Variants in CLIP3 observed in about 807,000 individuals in gnomAD.
CLIP3 encodes CAP-Gly domain containing linker protein 3.
Under a neutral mutation model 59.4 loss-of-function variants are expected in CLIP3, and 15 were observed. The observed-to-expected ratio is 0.25, with a 90% CI of 0.17 to 0.39. The LOEUF is 0.39. Ranked by LOEUF, CLIP3 falls within the 10% of genes least tolerant of loss-of-function variation. CLIP3 has a pLI of 1.00. For missense variants in CLIP3, 495 were observed against 765.7 expected, an observed-to-expected ratio of 0.65 and a Z score of 4.17; for synonymous variants, 300 against 321.6, an observed-to-expected ratio of 0.93 and a Z score of 0.72.
chr19:36,019,422 G>T, intron 7 of CLIP3, 116 bp from the exon 8 acceptor site: 1 of 1,244,890 alleles, frequency 8.0e-7, no homozygotes, highest in Non-Finnish European at 1.1e-6. Context: ...CAAACCCCAG[G>T]TCACACATCA....
intron 2 of CLIP3, among the ~76,000 whole-genome samples, chr19:36,030,067 T>G (rs1054373634): frequency 2.0e-5 from 3 of 152,088 alleles, no homozygotes; most frequent in Non-Finnish European, 4.4e-5. Context: ...TACTTTTTTC[T>G]TTTTTTGAGA....
Position 36,019,207 on chromosome 19 carries a change from C to A in CLIP3, c.1018G>T (p.Gly340Trp). 6.2e-7 allele frequency: 1 copy of A among 1,614,080 alleles called. No individual in the cohort carries two copies. ...GGGCAGATGAAGTACCGAACGCCCC[C>A]AACGCTGCCATCGTTCTTGCCCTCA... is the stretch of plus-strand genomic sequence containing the variant. ...EPEGKNDGSVGGVRYFICPPK... is the reference protein window; with the variant it reads ...EPEGKNDGSVWGVRYFICPPK... The change falls in exon 8 of 14, where the codon GGG becomes TGG. Residue 340 changes from glycine (G) to tryptophan (W), a missense_variant. Gly to Trp is a radical substitution (Grantham distance 184, BLOSUM62 -2). Transcript: ENST00000360535.
At position 36,028,146 on chromosome 19, in the gene CLIP3, G is replaced by T. The variant is rs1051692094; in HGVS notation, c.167-875C>A. 7.1e-4 allele frequency among the ~76,000 whole-genome samples: 108 copies of T among 152,154 alleles called. 1 individual carries two copies. The highest frequency in any genetic ancestry group is 2.2e-3 in the African/African-American group (92 of 41,510). On this transcript the variant is annotated intron_variant, in intron 2 of 13. Transcript: ENST00000360535. Reference sequence around the variant, plus strand: ...CAGGTCAGGAGTTCGAGACCAGCCTGGTCCAACGTGGTGAAACCCTGACTC... The same window carrying T: ...CAGGTCAGGAGTTCGAGACCAGCCTTGTCCAACGTGGTGAAACCCTGACTC...
At chr19:36,023,828 G>A (rs932382016) in intron 7 of CLIP3, among the ~76,000 whole-genome samples, 3 of 152,140 alleles carry the variant, frequency 2.0e-5, no homozygotes, top group South Asian at 2.1e-4. Context: ...ACTGGGTCCC[G>A]TATGGAGCCC....
Position 36,014,939 on chromosome 19 carries a change from T to C in CLIP3, c.*1219A>G, listed in dbSNP as rs73034048. 916 of 152,388 alleles carry C rather than the reference T, an allele frequency of 6.0e-3. 4 individuals carry two copies. Among genetic ancestry groups the C allele is most frequent in the Non-Finnish European group, 0.011 (719 of 68,062 alleles). The allele number at this position is 152,388 out of a possible 1,614,324, so 9.4% of individuals were successfully genotyped here. ...TTTATTAGAGATGGAGGCTTTAGGA[T>C]TTGGGGTTCCCTTAGGGCTGGGGCT... On this transcript the variant is annotated 3_prime_UTR_variant, in exon 14 of 14. Transcript: ENST00000360535.
Position 36,024,502 on chromosome 19 carries a change from G to A in CLIP3, c.812C>T (p.Ala271Val). ...LLEEAVPLSC[A>V]LPKVTLPNYD... ...GTTGGGTAGCGTGACCTTGGGGAGGGCGCAAGATAGTGGCACTGCCTCTTC... is the reference window on the plus strand; with the variant it reads ...GTTGGGTAGCGTGACCTTGGGGAGGACGCAAGATAGTGGCACTGCCTCTTC... The change falls in exon 7 of 14, where the codon GCC becomes GTC. Residue 271 changes from alanine to valine, a missense_variant. Ala to Val is a moderately conservative substitution (Grantham distance 64). Coordinates refer to ENST00000360535, the MANE Select transcript of CLIP3 (RefSeq NM_015526.3). The A allele has an allele frequency of 4.3e-6, 7 of 1,614,262 alleles. No homozygotes were observed. The highest frequency in any genetic ancestry group is 5.9e-6 in the Non-Finnish European group (7 of 1,180,052).
Position 36,019,373 on chromosome 19 carries a change from AC to A in CLIP3, c.919-68del, listed in dbSNP as rs1405543211. ...GGAGGCCAACGTGGAGTGCCCACAC[AC>A]GGGCAGCAAGGTGGGTTGCATGAGG... is the stretch of plus-strand genomic sequence containing the variant. On this transcript the variant is annotated intron_variant, in intron 7 of 13. Coordinates refer to ENST00000360535, the MANE Select transcript of CLIP3 (RefSeq NM_015526.3). 1.2e-5 allele frequency: 19 copies of A among 1,547,936 alleles called. No individual in the cohort carries two copies. In the African/African-American group the frequency reaches 2.0e-4, roughly 17 times the overall value.
chr19:36,026,510 C>T lies in CLIP3; in HGVS notation c.562+76G>A, dbSNP rs1052133571. 2.5e-6 allele frequency: 4 copies of T among 1,582,648 alleles called. No individual in the cohort carries two copies. The highest frequency in any genetic ancestry group is 2.7e-5 in the African/African-American group (2 of 74,398). On this transcript the variant is annotated intron_variant, in intron 5 of 13. Transcript: ENST00000360535. The surrounding 1 kb of genome is among the most constrained non-coding windows in gnomAD (Gnocchi z 6.3). ...CAGATCACCGTCCTCCTTCCCCTCGCAGCCTGGCCTCACCTGGGTCTCCGC... is the reference window on the plus strand; with the variant it reads ...CAGATCACCGTCCTCCTTCCCCTCGTAGCCTGGCCTCACCTGGGTCTCCGC...
At chr19:36,031,508 G>A (rs180977688) in intron 2 of CLIP3, among the ~76,000 whole-genome samples, 54 of 152,216 alleles carry the variant, frequency 3.5e-4, no homozygotes, top group African/African-American at 1.2e-3. Context: ...AATATCGCTC[G>A]GTCAATGATT....
chr19:36,029,108 T>C (rs1229961073), intron 2 of CLIP3, among the ~76,000 whole-genome samples: 1 of 143,272 alleles, frequency 7.0e-6, no homozygotes, highest in Non-Finnish European at 1.5e-5. Context: ...GATCATGAGG[T>C]CAGCAGTTCG....
chr19:36,027,630 A>T (rs1232777643), intron 2 of CLIP3, among the ~76,000 whole-genome samples: 1 of 152,312 alleles, frequency 6.6e-6, no homozygotes, highest in East Asian at 1.9e-4. Flanking sequence ...TTGCCCTGTG[A>T]GAGTATGAGT....
intron 2 of CLIP3, among the ~76,000 whole-genome samples, chr19:36,030,472 G>C (rs182449373): frequency 3.9e-5 from 6 of 152,264 alleles, no homozygotes; most frequent in Non-Finnish European, 8.8e-5. Flanking sequence ...CTGACTCTCT[G>C]AACCTGGTTT....
intron 2 of CLIP3, among the ~76,000 whole-genome samples, chr19:36,028,997 T>A (rs940870100): frequency 6.9e-5 from 3 of 43,246 alleles, no homozygotes; most frequent in South Asian, 1.1e-3. Flanking sequence ...TCTCCTACTC[T>A]TTTTTTTTTT....
chr19:36,025,226 C>T (rs542000904), intron 6 of CLIP3, among the ~76,000 whole-genome samples: 121 of 152,158 alleles, frequency 8.0e-4, no homozygotes, highest in Non-Finnish European at 1.3e-3. Flanking sequence ...CTGTAGGTCA[C>T]GCCCTCAGGG....
At chr19:36,019,953 C>T (rs1968912357) in intron 7 of CLIP3, among the ~76,000 whole-genome samples, 1 of 151,758 alleles carries the variant, frequency 6.6e-6, no homozygotes, top group Non-Finnish European at 1.5e-5. Context: ...TGCCTATAAT[C>T]CCAACACTTT....
chr19:36,026,549 G>A lies in CLIP3; in HGVS notation c.562+37C>T, dbSNP rs1969115406. The A allele has an allele frequency of 6.2e-7, 1 of 1,609,906 alleles. No homozygotes were observed. Among genetic ancestry groups the A allele is most frequent in the East Asian group, 2.2e-5 (1 of 44,790 alleles). On this transcript the variant is annotated intron_variant, in intron 5 of 13. Transcript: ENST00000360535. This position sits in a 1 kb window ranked among gnomAD's most constrained non-coding sequence, Gnocchi z 6.3. The stretch of plus-strand genomic sequence containing the variant: ...CTGGGTCTCCGCGTCCCTCACCCAG[G>A]TCCTTGCCCCCTCCCAGCCAGGGCT...
At chr19:36,022,173 C>T (rs1968969198) in intron 7 of CLIP3, among the ~76,000 whole-genome samples, 1 of 152,302 alleles carries the variant, frequency 6.6e-6, no homozygotes, top group South Asian at 2.1e-4. Flanking sequence ...AGGCACCGCG[C>T]CCCGACAATT....
chr19:36,019,485 TGAAATGGGAACA>T (rs575367733), intron 7 of CLIP3, 179 bp from the exon 8 acceptor site: 114 of 734,990 alleles, frequency 1.6e-4, no homozygotes, highest in Non-Finnish European at 2.3e-4. Context: ...TCCTTTGCTG[TGAAATGGGAACA>T]GAAATTATAC....
chr19:36,024,764 G>T, intron 6 of CLIP3, 132 bp from the exon 7 acceptor site: 1 of 814,218 alleles, frequency 1.2e-6, no homozygotes, highest in Non-Finnish European at 1.9e-6. Context: ...GCCAACCTGG[G>T]AATAAGAAGG....
Sources: allele counts gnomAD v4.1 joint callset (sites outside exome capture counted in the v4.1 genomes callset), GRCh38; gene constraint gnomAD v4.1.1; non-coding constraint Gnocchi (gnomAD v3.1); transcripts MANE v1.5; gene names NCBI Gene and HGNC (gene_info 2026-07-23, HGNC 2026-07-21).